Variants in LMLN observed in about 807,000 individuals in gnomAD.
LMLN encodes leishmanolysin like peptidase.
Under a neutral mutation model 92.3 loss-of-function variants are expected in LMLN, and 70 were observed. That is an observed-to-expected ratio of 0.76 (90% CI 0.63 to 0.92). The LOEUF (loss-of-function observed/expected upper bound fraction) is 0.92. LMLN is among the 40% of genes least tolerant of loss of function. The pLI, the probability that LMLN is intolerant of heterozygous loss-of-function variation, is 0.00. For synonymous variants in LMLN, 308 were observed against 296.2 expected (o/e 1.04, Z -0.41); for missense variants, 691 against 814.6 (o/e 0.85, Z 1.85).
In LMLN at chr3:197,974,367, C is replaced by CT; in HGVS notation, c.220-4dup. 3 of 1,490,912 alleles carry CT rather than the reference C, an allele frequency of 2.0e-6. No homozygotes were observed. Among genetic ancestry groups the CT allele is most frequent in the Non-Finnish European group, 2.8e-6 (3 of 1,079,342 alleles). 92.4% of individuals were successfully genotyped at this position (1,490,912 alleles called of 1,614,324 possible). ...TCTTAAACAGTTTTCAAATCCGTTC[C>CT]TTTTTTCAGGTCATAAATAAAGTTC... is the stretch of plus-strand genomic sequence containing the variant. On this transcript the variant is annotated splice_polypyrimidine_tract_variant and intron_variant, in intron 1 of 15. Coordinates refer to ENST00000330198, the Ensembl canonical transcript of LMLN.
intron 4 of LMLN, 62 bp downstream of exon 4, chr3:197,976,173 T>G: frequency 1.0e-6 from 1 of 989,960 alleles, no homozygotes; most frequent in South Asian, 1.5e-5. Context: ...TTTCTCGTTC[T>G]ATGAACATGG....
intron 7 of LMLN, 120 bp from the exon 8 acceptor site, chr3:197,985,676 A>G: frequency 8.9e-6 from 5 of 558,804 alleles, no homozygotes; most frequent in Non-Finnish European, 1.6e-5. Flanking sequence ...AGAAGTTCCT[A>G]CAGAAGCACT....
chr3:198,036,080 G>A (rs1723227975), intron 15 of LMLN, 37 bp downstream of exon 16: 1 of 1,546,344 alleles, frequency 6.5e-7, no homozygotes, highest in South Asian at 1.1e-5. Context: ...AGAGGGAAAA[G>A]TGAAGGAGGT....
intron 4 of LMLN, 110 bp downstream of exon 4, chr3:197,976,221 G>A: frequency 1.6e-6 from 1 of 614,180 alleles, no homozygotes; most frequent in Admixed American, 3.5e-5. Context: ...TATTATGCTT[G>A]TTCTTAGGGA....
chr3:198,038,961 CT>C (rs1277710290), exon 16 of LMLN: 8 of 324,152 alleles, frequency 2.5e-5, no homozygotes, highest in African/African-American at 8.8e-5. Flanking sequence ...ACCCAGCCAC[CT>C]TCATCAGCAA....
Position 198,019,207 on chromosome 3 carries a change from T to C in LMLN, c.1233-46T>C. ...TGTTGGCTGTATAATGGACTTGCAG[T>C]ATTTTCTTTAAAGTTTGATACCATG... is the stretch of plus-strand genomic sequence containing the variant. On this transcript the variant is annotated intron_variant, in intron 11 of 15. Transcript: ENST00000330198. The surrounding 1 kb of genome is among the most constrained non-coding windows in gnomAD (Gnocchi z 5.5). 6.4e-7 allele frequency: 1 copy of C among 1,562,776 alleles called. No individual in the cohort carries two copies. The highest frequency in any genetic ancestry group is 1.4e-5 in the African/African-American group (1 of 73,018).
At chr3:197,976,700 T>A in exon 5 of LMLN, 1 of 1,535,816 alleles carries the variant, frequency 6.5e-7, no homozygotes, top group Non-Finnish European at 8.9e-7. Context: ...TTATTGTTCC[T>A]GAGGAACATC....
intron 11 of LMLN, among the ~76,000 whole-genome samples, chr3:198,018,954 A>G (rs1722712010): frequency 6.6e-6 from 1 of 152,242 alleles, no homozygotes; most frequent in Non-Finnish European, 1.5e-5. Flanking sequence ...AATGGAACAG[A>G]ACAAGTTGAT....
At chr3:197,967,609 G>T (rs1384391950) in intron 1 of LMLN, among the ~76,000 whole-genome samples, 1 of 152,224 alleles carries the variant, frequency 6.6e-6, no homozygotes, top group Non-Finnish European at 1.5e-5. Context: ...TCTGTGTTCA[G>T]CAGTGCACGT....
At chr3:197,966,514 A>G (rs1264519896) in intron 1 of LMLN, among the ~76,000 whole-genome samples, 1 of 152,028 alleles carries the variant, frequency 6.6e-6, no homozygotes, top group East Asian at 1.9e-4. Flanking sequence ...TAAAATTAAG[A>G]AAATTCCCTT....
At chr3:197,981,444 C>T (rs1395898312) in intron 6 of LMLN, among the ~76,000 whole-genome samples, 2 of 152,176 alleles carry the variant, frequency 1.3e-5, no homozygotes, top group African/African-American at 2.4e-5. Context: ...TGCTCTAAGG[C>T]AACAATTTGA....
At chr3:197,978,376 C>T (rs563139272) in intron 5 of LMLN, among the ~76,000 whole-genome samples, 1 of 152,138 alleles carries the variant, frequency 6.6e-6, no homozygotes, top group Non-Finnish European at 1.5e-5. Context: ...TAGCTTACAC[C>T]TGTAGTCCCA....
At chr3:198,038,696 C>T in exon 16 of LMLN, 1 of 1,502,834 alleles carries the variant, frequency 6.7e-7, no homozygotes, top group Non-Finnish European at 9.3e-7. Flanking sequence ...TCAAGATATT[C>T]TTTTATGTTA....
At chr3:197,963,346 A>T (rs1720961120) in intron 1 of LMLN, among the ~76,000 whole-genome samples, 2 of 151,946 alleles carry the variant, frequency 1.3e-5, no homozygotes, top group Non-Finnish European at 2.9e-5. Context: ...TGGGACTCCC[A>T]AGTATGCGCC....
chr3:197,960,379 C>T (rs1581119985), exon 1 of LMLN: 1 of 1,614,016 alleles, frequency 6.2e-7, no homozygotes, highest in Middle Eastern at 1.6e-4. Flanking sequence ...AGCGCCACAT[C>T]TACTCCCGTC....
intron 1 of LMLN, among the ~76,000 whole-genome samples, chr3:197,970,564 T>TA (rs1443545643): frequency 6.6e-6 from 1 of 152,200 alleles, no homozygotes; most frequent in African/African-American, 2.4e-5. Context: ...ACCTGATTCT[T>TA]AGAGTCCAGG....
At chr3:197,969,277 A>ATT (rs201203303) in intron 1 of LMLN, among the ~76,000 whole-genome samples, 38 of 146,942 alleles carry the variant, frequency 2.6e-4, no homozygotes, top group African/African-American at 8.2e-4. Flanking sequence ...ATATATATAT[A>ATT]TTTTTTTTAG....
At position 197,965,093 on chromosome 3, in the gene LMLN, C is replaced by T. The variant is rs370327795; in HGVS notation, c.219+4653C>T. Among the ~76,000 whole-genome samples the T allele has an allele frequency of 7.2e-5, 11 of 152,110 alleles. No homozygotes were observed. The East Asian group carries it at 9.6e-4, about 13-fold the overall frequency. On this transcript the variant is annotated intron_variant, in intron 1 of 15. Coordinates refer to ENST00000330198, the Ensembl canonical transcript of LMLN. ...GCAGTGATATGATCATAGCTCACTG[C>T]CACCTCGAACTCCTGTGTTCAAGCA...
intron 8 of LMLN, among the ~76,000 whole-genome samples, chr3:197,987,059 C>T (rs975462780): frequency 1.3e-4 from 19 of 151,286 alleles, no homozygotes; most frequent in African/African-American, 2.7e-4. Context: ...AGGCTGGTCT[C>T]GAACTCCTGA....
Sources: gnomAD v4.1 joint callset for allele counts (sites outside exome capture counted in the v4.1 genomes callset) on GRCh38, gnomAD v4.1.1 for gene constraint, Gnocchi (gnomAD v3.1) non-coding constraint, MANE v1.5 for transcripts, NCBI Gene and HGNC (gene_info 2026-07-23, HGNC 2026-07-21) for gene names.